The following POU1F1 variants were observed in gnomAD, a reference collection of about 807,000 sequenced individuals.
POU1F1 encodes POU class 1 homeobox 1, also known as pituitary-specific positive transcription factor 1.
A neutral mutation model predicts 32.3 loss-of-function variants in POU1F1; 23 were observed. The ratio of observed to expected loss-of-function variants is 0.71; its 90% CI spans 0.51 to 1.01. POU1F1 has a LOEUF of 1.01. Among genes scored for constraint, POU1F1 ranks in the 50% least tolerant of loss-of-function variants. The probability of loss-of-function intolerance (pLI) is 0.00; values close to 1 mark genes in which losing one functional copy is unlikely to be tolerated. For synonymous variants in POU1F1, 120 were observed against 115.6 expected (o/e 1.04, Z -0.25); for missense variants, 323 against 341.6 (o/e 0.95, Z 0.43).
chr3:87,265,541 A>T (rs1575978607), intron 2 of POU1F1, among the ~76,000 whole-genome samples: 1 of 152,164 alleles, frequency 6.6e-6, no homozygotes, highest in East Asian at 1.9e-4. Flanking sequence ...ATCGACAAAG[A>T]TTCTACTTCA....
chr3:87,273,369 T>C lies in POU1F1; in HGVS notation c.192A>G (p.Pro64=). ...SVPSCHYGNQ[P]STYGVMAGSL... ...TACCTGCCATCACTCCATAGGTTGA[T>C]GGCTGGTTTCCATAATGACAGGAAG... Residue 64 remains proline (P), a synonymous_variant, in exon 2 of 6, where the codon CCA becomes CCG. Transcript: ENST00000350375. The C allele has an allele frequency of 2.5e-6, 4 of 1,613,010 alleles. No individual in the cohort carries two copies. In the South Asian group the frequency reaches 4.4e-5, roughly 18 times the overall value.
rs1706761565 is a variant in POU1F1 at position 87,273,333 on chromosome 3, A to C, written c.214+14T>G. ...CCCCAAATTCAATAACATGTAAAAGACAACTTTTCTTACCTGCCATCACTC... is the reference window on the plus strand; with the variant it reads ...CCCCAAATTCAATAACATGTAAAAGCCAACTTTTCTTACCTGCCATCACTC... On this transcript the variant is annotated intron_variant, in intron 2 of 5. Coordinates refer to ENST00000350375, the MANE Select transcript of POU1F1 (RefSeq NM_000306.4). 2 of 1,608,204 alleles carry C rather than the reference A, an allele frequency of 1.2e-6. No individual in the cohort carries two copies. Among genetic ancestry groups the C allele is most frequent in the African/African-American group, 1.3e-5 (1 of 74,726 alleles).
intron 2 of POU1F1, among the ~76,000 whole-genome samples, chr3:87,264,984 T>A (rs1206976226): frequency 6.6e-6 from 1 of 152,150 alleles, no homozygotes; most frequent in East Asian, 1.9e-4. Flanking sequence ...AGAAGTTTTC[T>A]TGTGATTGGG....
At chr3:87,265,044 T>G (rs888206648) in intron 2 of POU1F1, among the ~76,000 whole-genome samples, 2 of 152,152 alleles carry the variant, frequency 1.3e-5, no homozygotes, top group Non-Finnish European at 2.9e-5. Flanking sequence ...CAGTAAAAAC[T>G]TGATTTTATT....
In POU1F1 at chr3:87,259,919, G is replaced by T. The variant is rs371440507; in HGVS notation, c.851C>A (p.Ser284Tyr). The change falls in exon 6 of 6, where the codon TCT becomes TAT. Residue 284 changes from serine (S) to tyrosine (Y), a missense_variant. Physicochemically the swap from Ser to Tyr is moderately radical, Grantham distance 144. Transcript: ENST00000350375. ...TSLNQSLFSI[S>Y]KEHLECR The stretch of plus-strand genomic sequence containing the variant: ...TTATCTGCACTCAAGATGTTCCTTA[G>T]AAATAGAAAATAAACTCTGATTCAG... 2.5e-6 allele frequency: 4 copies of T among 1,613,936 alleles called. No individual in the cohort carries two copies. In the African/African-American group the frequency reaches 5.3e-5, roughly 22 times the overall value.
intron 1 of POU1F1, among the ~76,000 whole-genome samples, chr3:87,274,475 T>C (rs1706791725): frequency 6.6e-6 from 1 of 151,788 alleles, no homozygotes; most frequent in South Asian, 2.1e-4. Flanking sequence ...ATATACAAAC[T>C]AGTGATTAAA....
chr3:87,273,642 A>C, intron 1 of POU1F1: 1 of 747,202 alleles, frequency 1.3e-6, no homozygotes, highest in Non-Finnish European at 2.1e-6. Context: ...GGGGGGATCA[A>C]AGTTTGTCTC....
Position 87,259,745 on chromosome 3 carries a change from TC to T in POU1F1, c.*148del, listed in dbSNP as rs1706469198. ...ATCAATATAATTTAAATTGTTGGTT[TC>T]TTTTTTTTAAAAAAAAGTGGAAAAG... On this transcript the variant is annotated 3_prime_UTR_variant, in exon 6 of 6. Transcript: ENST00000350375. 1.0e-5 allele frequency: 7 copies of T among 672,326 alleles called. No homozygotes were observed. The highest frequency in any genetic ancestry group is 1.8e-5 in the African/African-American group (1 of 54,382). The allele number at this position is 672,326 out of a possible 1,614,324, so 41.6% of individuals were successfully genotyped here. A position where few individuals can be genotyped will look rare whatever the true frequency, so the allele number is the denominator to read the frequency against.
At chr3:87,274,537 T>C (rs1230169119) in intron 1 of POU1F1, among the ~76,000 whole-genome samples, 1 of 151,578 alleles carries the variant, frequency 6.6e-6, no homozygotes, top group Non-Finnish European at 1.5e-5. Flanking sequence ...TAGAGAAAAA[T>C]CTTTAATTTT....
At chr3:87,261,485 C>T in intron 4 of POU1F1, 152 bp from the exon 5 acceptor site, 1 of 621,684 alleles carries the variant, frequency 1.6e-6, no homozygotes. Context: ...TTTTCTATTA[C>T]AGACCTTAGA....
chr3:87,261,291 TTTC>T lies in POU1F1; in HGVS notation c.644_646del (p.Arg215del), dbSNP rs1311211631. 1 of 1,587,694 alleles carries T rather than the reference TTTC, an allele frequency of 6.3e-7. No individual in the cohort carries two copies. The highest frequency in any genetic ancestry group is 1.7e-5 in the Admixed American group (1 of 58,890). On this transcript the variant is annotated inframe_deletion, in exon 5 of 6. Coordinates refer to ENST00000350375, the MANE Select transcript of POU1F1 (RefSeq NM_000306.4). The stretch of plus-strand genomic sequence containing the variant: ...AGAATACCTTATAGTTGTTCTTCGT[TTTC>T]TTTTCCTTTCATTTGCTCCCACTTT...
chr3:87,267,446 A>T (rs544078117), intron 2 of POU1F1, among the ~76,000 whole-genome samples: 32 of 152,288 alleles, frequency 2.1e-4, no homozygotes, highest in Non-Finnish European at 1.6e-4. Flanking sequence ...CAGGCAGTCT[A>T]TACTCAGGCA....
At chr3:87,271,341 C>T (rs1234464550) in intron 2 of POU1F1, among the ~76,000 whole-genome samples, 1 of 152,114 alleles carries the variant, frequency 6.6e-6, no homozygotes, top group Non-Finnish European at 1.5e-5. Context: ...ACTCCCGAGG[C>T]CAGTGGTGGC....
intron 4 of POU1F1, among the ~76,000 whole-genome samples, 160 bp from the exon 5 acceptor site, chr3:87,261,493 A>T (rs1017247562): frequency 6.6e-6 from 1 of 152,204 alleles, no homozygotes; most frequent in African/African-American, 2.4e-5. Context: ...TACAGACCTT[A>T]GAGAAAAATC....
rs757674048 is a variant in POU1F1 at position 87,273,431 on chromosome 3, A to G, written c.143-13T>C. On this transcript the variant is annotated splice_polypyrimidine_tract_variant and intron_variant, in intron 1 of 5. Coordinates refer to ENST00000350375, the MANE Select transcript of POU1F1 (RefSeq NM_000306.4). ...TGAAGTCCTGTTGCTGTGTTTCCCA[A>G]CGTTGTCACCGAGAAATGTGTGCAC... 1.6e-5 allele frequency: 26 copies of G among 1,612,074 alleles called. No homozygotes were observed. The highest frequency in any genetic ancestry group is 1.3e-4 in the East Asian group (6 of 44,858).
Position 87,259,845 on chromosome 3 carries a change from G to T in POU1F1, c.*49C>A, listed in dbSNP as rs747372552. 1 of 1,487,794 alleles carries T rather than the reference G, an allele frequency of 6.7e-7. No individual in the cohort carries two copies. The highest frequency in any genetic ancestry group is 1.7e-5 in the Admixed American group (1 of 59,344). The allele number at this position is 1,487,794 out of a possible 1,614,324, so 92.2% of individuals were successfully genotyped here. On this transcript the variant is annotated 3_prime_UTR_variant, in exon 6 of 6. Coordinates refer to ENST00000350375, the MANE Select transcript of POU1F1 (RefSeq NM_000306.4). The stretch of plus-strand genomic sequence containing the variant: ...AGTAATTTCTGTTTTTGTTGAGGAA[G>T]AGAAAGGAATGAAACGGGAGAAAAA...
At position 87,259,598 on chromosome 3, in the gene POU1F1, T is replaced by C. The variant is rs1335050291; in HGVS notation, c.*296A>G. The C allele has an allele frequency of 2.3e-5, 6 of 266,464 alleles. No homozygotes were observed. Among genetic ancestry groups the C allele is most frequent in the Non-Finnish European group, 2.0e-5 (3 of 152,396 alleles). 16.5% of individuals were successfully genotyped at this position (266,464 alleles called of 1,614,324 possible). A position where few individuals can be genotyped will look rare whatever the true frequency, so the allele number is the denominator to read the frequency against. On this transcript the variant is annotated 3_prime_UTR_variant, in exon 6 of 6. Coordinates refer to ENST00000350375, the MANE Select transcript of POU1F1 (RefSeq NM_000306.4). ...AAAGGAACTTATAAACCCATACTCA[T>C]ATGTCTGCGTGTGTGTGAGAAAGAG...
chr3:87,262,354 A>G, intron 3 of POU1F1, 119 bp from the exon 4 acceptor site: 2 of 1,095,262 alleles, frequency 1.8e-6, no homozygotes, highest in Non-Finnish European at 1.3e-6. Context: ...TTAACTATAT[A>G]TTCTTGGCAA....
chr3:87,265,608 T>G (rs1254262139), intron 2 of POU1F1, among the ~76,000 whole-genome samples: 1 of 152,002 alleles, frequency 6.6e-6, no homozygotes, highest in East Asian at 1.9e-4. Flanking sequence ...TCTGCATTCA[T>G]GGATTGATGC....
Sources: gnomAD v4.1 joint callset for allele counts (sites outside exome capture counted in the v4.1 genomes callset) on GRCh38, gnomAD v4.1.1 for gene constraint, MANE v1.5 for transcripts, NCBI Gene and HGNC (gene_info 2026-07-23, HGNC 2026-07-21) for gene names.